EDIL3: variants seen among roughly 807,000 people sequenced by gnomAD.
EDIL3 encodes the protein EGF like and discoidin domains 3.
Under a neutral mutation model 67.4 loss-of-function variants are expected in EDIL3, and 37 were observed. The ratio of observed to expected loss-of-function variants is 0.55; its 90% CI spans 0.42 to 0.72. The LOEUF is 0.72. Ranked by LOEUF, EDIL3 falls within the 30% of genes least tolerant of loss-of-function variation. The pLI is 0.00. For missense variants in EDIL3, 527 were observed against 586.3 expected (o/e 0.90, Z 1.04); for synonymous variants, 195 against 196.3 (o/e 0.99, Z 0.05).
intron 4 of EDIL3, among the ~76,000 whole-genome samples, chr5:84,157,115 C>A (rs879684607): frequency 6.6e-6 from 1 of 151,576 alleles, no homozygotes; most frequent in Admixed American, 6.6e-5. Context: ...GTTTTTTTAC[C>A]ATTTTTTTCT....
chr5:84,049,729 T>A (rs1746292776), intron 9 of EDIL3, among the ~76,000 whole-genome samples: 1 of 149,950 alleles, frequency 6.7e-6, no homozygotes. Context: ...GCTCAAAGTA[T>A]TAGTTGAATT....
chr5:84,096,451 C>G (rs1484004502), intron 6 of EDIL3, among the ~76,000 whole-genome samples: 1 of 152,174 alleles, frequency 6.6e-6, no homozygotes, highest in Non-Finnish European at 1.5e-5. Context: ...ATTTGACTAC[C>G]CCAATGGATT....
At chr5:83,959,410 C>T (rs1031402685) in intron 10 of EDIL3, among the ~76,000 whole-genome samples, 1 of 150,930 alleles carries the variant, frequency 6.6e-6, no homozygotes, top group Non-Finnish European at 1.5e-5. Context: ...CTACATTAGA[C>T]TTCCACACCC....
intron 9 of EDIL3, among the ~76,000 whole-genome samples, chr5:84,006,934 A>G (rs1379155900): frequency 6.6e-6 from 1 of 151,718 alleles, no homozygotes; most frequent in African/African-American, 2.4e-5. Flanking sequence ...CTGGCAAAAA[A>G]CAGACATATA....
intron 6 of EDIL3, among the ~76,000 whole-genome samples, chr5:84,093,412 T>C (rs1236989711): frequency 6.6e-6 from 1 of 152,056 alleles, no homozygotes; most frequent in African/African-American, 2.4e-5. Context: ...GATAAAAGGA[T>C]TGTAGTCACT....
chr5:84,175,793 C>T (rs1303181757), intron 4 of EDIL3, among the ~76,000 whole-genome samples: 1 of 152,096 alleles, frequency 6.6e-6, no homozygotes, highest in Non-Finnish European at 1.5e-5. Flanking sequence ...CAGTAATCCT[C>T]AAGTTTGGTG....
At chr5:83,999,737 A>G (rs1254567626) in intron 9 of EDIL3, among the ~76,000 whole-genome samples, 10 of 152,180 alleles carry the variant, frequency 6.6e-5, no homozygotes, top group Non-Finnish European at 1.5e-4. Flanking sequence ...TCAAAGGGAT[A>G]ATAGCAGAGA....
At chr5:84,332,224 T>C (rs1475194482) in intron 1 of EDIL3, among the ~76,000 whole-genome samples, 1 of 151,680 alleles carries the variant, frequency 6.6e-6, no homozygotes, top group East Asian at 1.9e-4. Flanking sequence ...AACAAAAAAT[T>C]AGCCAGGCAT....
intron 4 of EDIL3, among the ~76,000 whole-genome samples, chr5:84,176,976 T>G (rs1748928647): frequency 1.3e-5 from 2 of 152,118 alleles, no homozygotes. Context: ...ACACAGGGAC[T>G]CTCATGCATT....
chr5:84,291,037 G>C (rs1745903167), intron 1 of EDIL3, among the ~76,000 whole-genome samples: 1 of 152,038 alleles, frequency 6.6e-6, no homozygotes, highest in South Asian at 2.1e-4. Context: ...TAATCTCCTT[G>C]ATAACCTGCT....
intron 1 of EDIL3, among the ~76,000 whole-genome samples, chr5:84,354,947 G>C (rs1255410419): frequency 6.6e-6 from 1 of 152,078 alleles, no homozygotes; most frequent in East Asian, 1.9e-4. Flanking sequence ...TGGTGAATCT[G>C]ACGATTATGC....
intron 3 of EDIL3, among the ~76,000 whole-genome samples, chr5:84,207,082 A>G (rs933231336): frequency 2.0e-5 from 3 of 152,190 alleles, no homozygotes; most frequent in African/African-American, 7.2e-5. Context: ...AGTGTATTCA[A>G]TTAGGAAAAG....
At chr5:84,109,333 C>G (rs1351952082) in intron 5 of EDIL3, among the ~76,000 whole-genome samples, 3 of 152,104 alleles carry the variant, frequency 2.0e-5, no homozygotes, top group Non-Finnish European at 4.4e-5. Flanking sequence ...TGGTGAAACC[C>G]TGTCTCTACT....
chr5:83,985,035 C>T (rs376964524), intron 9 of EDIL3, among the ~76,000 whole-genome samples: 3 of 151,782 alleles, frequency 2.0e-5, no homozygotes, highest in African/African-American at 7.3e-5. Context: ...TTTAAATTTC[C>T]TCGATTCTCT....
chr5:84,332,775 A>C (rs954303314), intron 1 of EDIL3, among the ~76,000 whole-genome samples: 1 of 152,204 alleles, frequency 6.6e-6, no homozygotes, highest in Non-Finnish European at 1.5e-5. Context: ...GGTGCAAACA[A>C]TATGGCTGAT....
chr5:84,370,675 T>G (rs1747824011), intron 1 of EDIL3, among the ~76,000 whole-genome samples: 1 of 152,198 alleles, frequency 6.6e-6, no homozygotes, highest in South Asian at 2.1e-4. Flanking sequence ...AATCTTCCTT[T>G]TAAACTGTTT....
intron 1 of EDIL3, among the ~76,000 whole-genome samples, chr5:84,371,506 A>G (rs1352900394): frequency 6.7e-6 from 1 of 149,088 alleles, no homozygotes; most frequent in African/African-American, 2.5e-5. Flanking sequence ...AAATAATTTC[A>G]AGAAGATCAT....
chr5:84,355,280 T>C (rs1580097429), intron 1 of EDIL3, among the ~76,000 whole-genome samples: 1 of 152,038 alleles, frequency 6.6e-6, no homozygotes, highest in East Asian at 1.9e-4. Flanking sequence ...AATTCGGCTA[T>C]TGGTACTTGT....
chr5:84,364,891 C>T (rs940881661), intron 1 of EDIL3, among the ~76,000 whole-genome samples: 2 of 151,898 alleles, frequency 1.3e-5, no homozygotes, highest in Non-Finnish European at 2.9e-5. Context: ...TAATTAATCT[C>T]ATATATATTT....
Sources: allele counts gnomAD v4.1 joint callset (sites outside exome capture counted in the v4.1 genomes callset), GRCh38; gene constraint gnomAD v4.1.1; transcripts MANE v1.5; gene names NCBI Gene and HGNC (gene_info 2026-07-23, HGNC 2026-07-21).